SCAPER: variants seen among roughly 807,000 people sequenced by gnomAD.
The protein encoded by SCAPER is S-phase cyclin A associated protein in the ER, also known as S phase cyclin A-associated protein in the endoplasmic reticulum.
In SCAPER, 98 loss-of-function variants were observed where a neutral mutation model predicts 182.2. The observed-to-expected ratio is 0.54, with a 90% CI of 0.46 to 0.64. SCAPER has a LOEUF of 0.64. SCAPER is among the 30% of genes least tolerant of loss of function. The pLI is 0.00. For synonymous variants in SCAPER, 605 were observed against 564.6 expected (o/e 1.07, Z -1.01); for missense variants, 1,432 against 1,690.0 (o/e 0.85, Z 2.68).
At chr15:76,871,128 G>A (rs187669176) in intron 2 of SCAPER, among the ~76,000 whole-genome samples, 2 of 152,088 alleles carry the variant, frequency 1.3e-5, no homozygotes, top group Admixed American at 1.3e-4. Context: ...CTAATAAAAG[G>A]GACAGGCGCC....
intron 20 of SCAPER, among the ~76,000 whole-genome samples, chr15:76,693,143 G>C (rs1270794986): frequency 6.6e-6 from 1 of 151,926 alleles, no homozygotes; most frequent in Non-Finnish European, 1.5e-5. Flanking sequence ...AAAATATCTA[G>C]AATACCCCAA....
At chr15:76,572,447 A>AC (rs1446235373) in intron 23 of SCAPER, among the ~76,000 whole-genome samples, 2 of 152,232 alleles carry the variant, frequency 1.3e-5, no homozygotes, top group Non-Finnish European at 2.9e-5. Flanking sequence ...TGTGTTACAC[A>AC]CAAGAACTGA....
rs950434708 is a variant in SCAPER at position 76,790,932 on chromosome 15, G to C, written c.772+4348C>G. Among the ~76,000 whole-genome samples the C allele has an allele frequency of 3.3e-5, 5 of 152,102 alleles. No individual in the cohort carries two copies. The South Asian group carries it at 1.0e-3, about 31-fold the overall frequency. ...TTCTTCTTTTCCAATGTGTACAATTGAGGCTAGAAATTTTCCTCAAAGCCT... is the reference window on the plus strand; with the variant it reads ...TTCTTCTTTTCCAATGTGTACAATTCAGGCTAGAAATTTTCCTCAAAGCCT... On this transcript the variant is annotated intron_variant, in intron 8 of 31. Transcript: ENST00000563290.
At position 76,665,523 on chromosome 15, in the gene SCAPER, G is replaced by A. The variant is rs927946385; in HGVS notation, c.2645+130C>T. ...AATCAAGGAAAGTGGCTATAAATTA[G>A]GCTCATCAGTGTTATTTCCAAGGCT... On this transcript the variant is annotated intron_variant, in intron 21 of 31. Coordinates refer to ENST00000563290, the MANE Select transcript of SCAPER (RefSeq NM_020843.4). 6.5e-6 allele frequency: 7 copies of A among 1,081,652 alleles called. No homozygotes were observed. The African/African-American group carries it at 9.6e-5, about 15-fold the overall frequency. 67.0% of individuals were successfully genotyped at this position (1,081,652 alleles called of 1,614,324 possible). A position where few individuals can be genotyped will look rare whatever the true frequency, so the allele number is the denominator to read the frequency against.
At chr15:76,671,605 T>C (rs947081123) in intron 20 of SCAPER, among the ~76,000 whole-genome samples, 1 of 151,748 alleles carries the variant, frequency 6.6e-6, no homozygotes, top group African/African-American at 2.4e-5. Context: ...CCGTCTCTAC[T>C]AAAAATACAA....
intron 28 of SCAPER, among the ~76,000 whole-genome samples, chr15:76,379,015 C>T (rs1567024595): frequency 6.6e-6 from 1 of 152,282 alleles, no homozygotes; most frequent in East Asian, 1.9e-4. Flanking sequence ...CATCTGAATT[C>T]TGAACTCCTA....
intron 20 of SCAPER, among the ~76,000 whole-genome samples, chr15:76,677,747 T>C (rs755057524): frequency 5.2e-4 from 78 of 150,154 alleles, no homozygotes; most frequent in Non-Finnish European, 1.3e-4. Flanking sequence ...ACCAAAGCTC[T>C]GGTTTTCCTA....
At position 76,517,698 on chromosome 15, in the gene SCAPER, A is replaced by G. The variant is rs572487487; in HGVS notation, c.2839-12724T>C. Among the ~76,000 whole-genome samples, 3 of 152,250 alleles carry G rather than the reference A, an allele frequency of 2.0e-5. No homozygotes were observed. In the East Asian group the frequency reaches 5.8e-4, roughly 29 times the overall value. ...ATGGTATGTTTATCAAAACTAAGAA[A>G]TTATATTGGTAGTATACTTTTAACT... On this transcript the variant is annotated intron_variant, in intron 23 of 31. Coordinates refer to ENST00000563290, the MANE Select transcript of SCAPER (RefSeq NM_020843.4).
chr15:76,413,339 G>T (rs989429402), intron 26 of SCAPER, among the ~76,000 whole-genome samples: 1 of 152,040 alleles, frequency 6.6e-6, no homozygotes, highest in Non-Finnish European at 1.5e-5. Context: ...TATTATGTAC[G>T]ATTTAGCTGT....
chr15:76,786,775 T>C (rs188838862), intron 8 of SCAPER, among the ~76,000 whole-genome samples: 18 of 152,208 alleles, frequency 1.2e-4, no homozygotes, highest in Non-Finnish European at 2.5e-4. Flanking sequence ...ACATAAAAAC[T>C]CCAAGAATTA....
intron 4 of SCAPER, among the ~76,000 whole-genome samples, chr15:76,849,784 C>T (rs752083793): frequency 3.3e-5 from 5 of 152,156 alleles, no homozygotes; most frequent in Non-Finnish European, 7.3e-5. Flanking sequence ...AAGAAATACC[C>T]GAGACAGGGT....
intron 20 of SCAPER, among the ~76,000 whole-genome samples, chr15:76,673,170 A>T (rs111766525): frequency 1.2e-4 from 18 of 152,272 alleles, no homozygotes; most frequent in African/African-American, 4.1e-4. Flanking sequence ...AACCTAGAGA[A>T]TATTATTATC....
At chr15:76,716,031 A>G (rs541432571) in intron 17 of SCAPER, among the ~76,000 whole-genome samples, 1 of 152,256 alleles carries the variant, frequency 6.6e-6, no homozygotes, top group East Asian at 1.9e-4. Context: ...CTGCCTGTGA[A>G]CAATGTCAGA....
At chr15:76,428,893 T>TATATATATATATATATATAA (rs561331843) in intron 26 of SCAPER, among the ~76,000 whole-genome samples, 7 of 139,566 alleles carry the variant, frequency 5.0e-5, no homozygotes, top group Admixed American at 1.4e-4. Flanking sequence ...TATATATATA[T>TATATATATATATATATATAA]AAACATCAAA....
At chr15:76,858,026 A>G (rs968844685) in intron 3 of SCAPER, 147 bp from the exon 4 acceptor site, 4 of 576,792 alleles carry the variant, frequency 6.9e-6, no homozygotes, top group East Asian at 2.9e-5. Context: ...AGACCACAGT[A>G]TAGTACAGTC....
chr15:76,641,916 A>T, intron 21 of SCAPER, among the ~76,000 whole-genome samples: 1 of 152,218 alleles, frequency 6.6e-6, no homozygotes, highest in East Asian at 1.9e-4. Context: ...GTCACTGAAT[A>T]TGGACACTAA....
intron 23 of SCAPER, among the ~76,000 whole-genome samples, chr15:76,524,479 A>G (rs1391254530): frequency 6.6e-6 from 1 of 152,092 alleles, no homozygotes; most frequent in Non-Finnish European, 1.5e-5. Context: ...GGATGATTCC[A>G]TTAGAAACAA....
intron 23 of SCAPER, among the ~76,000 whole-genome samples, chr15:76,508,769 A>G (rs974063699): frequency 6.6e-6 from 1 of 152,152 alleles, no homozygotes; most frequent in African/African-American, 2.4e-5. Context: ...AAACTTGACA[A>G]ATGCTTATCA....
At chr15:76,670,575 T>G (rs1465706007) in intron 20 of SCAPER, among the ~76,000 whole-genome samples, 2 of 152,206 alleles carry the variant, frequency 1.3e-5, no homozygotes, top group Admixed American at 1.3e-4. Flanking sequence ...ATTATACATA[T>G]TTTTAAGACT....
Sources: gnomAD v4.1 joint callset for allele counts (sites outside exome capture counted in the v4.1 genomes callset) on GRCh38, gnomAD v4.1.1 for gene constraint, MANE v1.5 for transcripts, NCBI Gene and HGNC (gene_info 2026-07-23, HGNC 2026-07-21) for gene names.